The following RNF133 variants were observed in gnomAD, a reference collection of about 807,000 sequenced individuals.
RNF133 encodes the protein ring finger protein 133.
For missense variants in RNF133, 469 were observed against 450.5 expected, an observed-to-expected ratio of 1.04 and a Z score of -0.37; for synonymous variants, 153 against 152.1, an observed-to-expected ratio of 1.01 and a Z score of -0.04.
At position 122,698,431 on chromosome 7, in the gene RNF133, A is replaced by T. The variant is rs1456771791; in HGVS notation, c.488T>A (p.Ile163Asn). Residue 163 changes from isoleucine to asparagine, a missense_variant, in exon 1 of 1, where the codon ATT becomes AAT. Transcript: ENST00000340112. Reference protein sequence around the residue: ...VMIGNLKGTEIFHLIKKGVLI... With the variant: ...VMIGNLKGTENFHLIKKGVLI... The stretch of plus-strand genomic sequence containing the variant: ...AACTCCCTTCTTAATTAAATGGAAA[A>T]TTTCCGTGCCTTTTAAGTTACCAAT... 6.2e-7 allele frequency: 1 copy of T among 1,614,004 alleles called. No homozygotes were observed. The highest frequency in any genetic ancestry group is 8.5e-7 in the Non-Finnish European group (1 of 1,179,942).
Position 122,698,328 on chromosome 7 carries a change from G to A in RNF133, c.591C>T (p.Val197=). The A allele has an allele frequency of 6.2e-7, 1 of 1,613,990 alleles. No individual in the cohort carries two copies. The highest frequency in any genetic ancestry group is 1.1e-5 in the South Asian group (1 of 91,078). Residue 197 remains valine, a synonymous_variant, in exon 1 of 1, where the codon GTC becomes GTT. Transcript: ENST00000340112. The stretch of plus-strand genomic sequence containing the variant: ...TGAAATATGCTAAGGTAGCAGTTGT[G>A]ACAATCACAAAAGAGACCAAATAGT... ...MNHYLVSFVI[V]TTATLAYFIF... is the part of the protein sequence containing the mutation.
In RNF133 at chr7:122,697,828, T is replaced by G; in HGVS notation, c.1091A>C (p.Gln364Pro). 3 of 1,606,400 alleles carry G rather than the reference T, an allele frequency of 1.9e-6. No homozygotes were observed. The highest frequency in any genetic ancestry group is 2.5e-6 in the Non-Finnish European group (3 of 1,177,106). ...AACATCTTCCACTACTGAATGAGGCTGGATGTCATTATTCTGAGAAGTAGG... is the reference window on the plus strand; with the variant it reads ...AACATCTTCCACTACTGAATGAGGCGGGATGTCATTATTCTGAGAAGTAGG... ...ENPTSQNNDIQPHSVVEDVHP... is the reference protein window; with the variant it reads ...ENPTSQNNDIPPHSVVEDVHP... Residue 364 changes from glutamine (Q) to proline (P), a missense_variant, in exon 1 of 1, where the codon CAG becomes CCG. Gln to Pro is a moderately conservative substitution (Grantham distance 76, BLOSUM62 -1). Transcript: ENST00000340112.
rs1429789352 is a variant in RNF133, at chr7:122,698,664, T to G, written c.255A>C (p.Ala85=). ...IVPPEGKIQN[A]CNPNTIFSRS... ...GGCTGAAAATGGTATTGGGATTACA[T>G]GCATTTTGGATTTTTCCCTCTGGTG... Residue 85 remains alanine, a synonymous_variant, in exon 1 of 1, where the codon GCA becomes GCC. Transcript: ENST00000340112. 1.2e-6 allele frequency: 2 copies of G among 1,613,940 alleles called. No homozygotes were observed. Among genetic ancestry groups the G allele is most frequent in the African/African-American group, 1.3e-5 (1 of 74,930 alleles).
At position 122,698,473 on chromosome 7, in the gene RNF133, T is replaced by C; in HGVS notation, c.446A>G (p.Asp149Gly). Residue 149 changes from aspartate (D) to glycine (G), a missense_variant, in exon 1 of 1, where the codon GAT (aspartate) becomes GGT (glycine). By Grantham distance (94) the Asp-to-Gly change is moderately conservative. Transcript: ENST00000340112. Reference protein sequence around the residue: ...VFPMFHQAFEDVVVVMIGNLK... With the variant: ...VFPMFHQAFEGVVVVMIGNLK... ...GTTACCAATCATAACCACAACGACA[T>C]CTTCAAATGCCTGATGAAACATGGG... The C allele has an allele frequency of 6.2e-7, 1 of 1,613,844 alleles. No homozygotes were observed. Among genetic ancestry groups the C allele is most frequent in the East Asian group, 2.2e-5 (1 of 44,872 alleles).
In RNF133 at chr7:122,698,970, T is replaced by TAG; in HGVS notation, c.-53_-52insCT. ...ACCAACCTAACAGTTGCACATCTGT[T>TAG]GACAATTAATTTAAAATAACGAAGA... is the stretch of plus-strand genomic sequence containing the variant. On this transcript the variant is annotated 5_prime_UTR_variant, in exon 1 of 1. Transcript: ENST00000340112. The TAG allele has an allele frequency of 7.9e-7, 1 of 1,258,692 alleles. No individual in the cohort carries two copies. The highest frequency in any genetic ancestry group is 1.1e-6 in the Non-Finnish European group (1 of 911,002). The allele number at this position is 1,258,692 out of a possible 1,614,324, so 78.0% of individuals were successfully genotyped here.
In RNF133 at chr7:122,698,045, T is replaced by A. The variant is rs1007783582; in HGVS notation, c.874A>T (p.Thr292Ser). 1.9e-6 allele frequency: 3 copies of A among 1,613,794 alleles called. No individual in the cohort carries two copies. In the African/African-American group the frequency reaches 4.0e-5, roughly 22 times the overall value. The change falls in exon 1 of 1, where the codon ACA (threonine) becomes TCA (serine). Residue 292 changes from threonine to serine, a missense_variant. By Grantham distance (58) the Thr-to-Ser change is moderately conservative. Transcript: ENST00000340112. ...ATATCACATTTGCAAATGGGGCATG[T>A]CCCATGGGGTAAAATCCAGGGGTCA... ...CIDPWILPHG[T>S]CPICKCDILK...
Position 122,698,201 on chromosome 7 carries a change from G to A in RNF133, c.718C>T (p.Arg240Ter), listed in dbSNP as rs141697772. ...LQNTFGQLQL[R>*]VVKEGDEEIN... The stretch of plus-strand genomic sequence containing the variant: ...TCTTCATCCCCCTCTTTTACTACTC[G>A]AAGTTGGAGTTGTCCAAATGTGTTC... The change falls in exon 1 of 1, where the codon CGA (arginine) becomes TGA (stop). Residue 240 changes from arginine (R) to a stop codon, truncating the protein, a stop_gained. Coordinates refer to ENST00000340112, the MANE Select transcript of RNF133 (RefSeq NM_139175.2). LOFTEE classifies it low-confidence loss of function (END_TRUNC). The A allele has an allele frequency of 9.8e-4, 1,589 of 1,613,764 alleles. 12 individuals are homozygous for A. The African/African-American group carries it at 0.019, about 19-fold the overall frequency.
Position 122,698,268 on chromosome 7 carries a change from C to T in RNF133, c.651G>A (p.Arg217=), listed in dbSNP as rs868338306. 1 of 1,613,990 alleles carries T rather than the reference C, an allele frequency of 6.2e-7. No homozygotes were observed. Among genetic ancestry groups the T allele is most frequent in the Non-Finnish European group, 8.5e-7 (1 of 1,179,934 alleles). ...FYHIHRLCLA[R]IQNRRWQRLT... ...ATCGCTGCCATCTCCGGTTCTGAAT[C>T]CTTGCTAAACAAAGTCTATGAATGT... Residue 217 remains arginine, a synonymous_variant, in exon 1 of 1, where the codon AGG becomes AGA. Coordinates refer to ENST00000340112, the MANE Select transcript of RNF133 (RefSeq NM_139175.2).
In RNF133 at chr7:122,698,465, C is replaced by A. The variant is rs2085489120; in HGVS notation, c.454G>T (p.Val152Leu). Residue 152 changes from valine to leucine, a missense_variant, in exon 1 of 1, where the codon GTG becomes TTG. Physicochemically the swap from Val to Leu is conservative, Grantham distance 32. Coordinates refer to ENST00000340112, the MANE Select transcript of RNF133 (RefSeq NM_139175.2). Reference protein sequence around the residue: ...MFHQAFEDVVVVMIGNLKGTE... With the variant: ...MFHQAFEDVVLVMIGNLKGTE... ...CCTTTTAAGTTACCAATCATAACCA[C>A]AACGACATCTTCAAATGCCTGATGA... 1 of 1,613,784 alleles carries A rather than the reference C, an allele frequency of 6.2e-7. No individual in the cohort carries two copies. The highest frequency in any genetic ancestry group is 8.5e-7 in the Non-Finnish European group (1 of 1,179,872).
Position 122,697,912 on chromosome 7 carries a change from G to C in RNF133, c.1007C>G (p.Thr336Arg), listed in dbSNP as rs761588013. Residue 336 changes from threonine to arginine, a missense_variant, in exon 1 of 1, where the codon ACA (threonine) becomes AGA (arginine). Thr to Arg is a moderately conservative substitution (Grantham distance 71, BLOSUM62 -1). Transcript: ENST00000340112. ...TCCTGCAGGAGAAACTTCATTATTTGTCTCCTCTTCACTAGGTGATAAGGT... is the reference window on the plus strand; with the variant it reads ...TCCTGCAGGAGAAACTTCATTATTTCTCTCCTCTTCACTAGGTGATAAGGT... ...PETLSPSEEE[T>R]NNEVSPAGTS... 2 of 1,613,758 alleles carry C rather than the reference G, an allele frequency of 1.2e-6. No homozygotes were observed. Among genetic ancestry groups the C allele is most frequent in the Non-Finnish European group, 8.5e-7 (1 of 1,179,736 alleles).
chr7:122,698,967 T>TGTTAG lies in RNF133; in HGVS notation c.-50_-49insCTAAC. The TGTTAG allele has an allele frequency of 7.8e-7, 1 of 1,277,410 alleles. No homozygotes were observed. The highest frequency in any genetic ancestry group is 1.1e-6 in the Non-Finnish European group (1 of 927,586). The allele number at this position is 1,277,410 out of a possible 1,614,324, so 79.1% of individuals were successfully genotyped here. The stretch of plus-strand genomic sequence containing the variant: ...AGAACCAACCTAACAGTTGCACATC[T>TGTTAG]GTTGACAATTAATTTAAAATAACGA... On this transcript the variant is annotated 5_prime_UTR_variant, in exon 1 of 1. Transcript: ENST00000340112.
Position 122,697,998 on chromosome 7 carries a change from T to A in RNF133, c.921A>T (p.Gln307His). The change falls in exon 1 of 1, where the codon CAA (glutamine) becomes CAT (histidine). Residue 307 changes from glutamine (Q) to histidine (H), a missense_variant. Physicochemically the swap from Gln to His is conservative, Grantham distance 24. Coordinates refer to ENST00000340112, the MANE Select transcript of RNF133 (RefSeq NM_139175.2). ...KCDILKVLGI[Q>H]VVVENGTEPL... ...GTTCTGTTCCATTTTCAACAACCAC[T>A]TGAATCCCCAAAACTTTAAGAATAT... The A allele has an allele frequency of 6.2e-7, 1 of 1,613,566 alleles. No individual in the cohort carries two copies. The highest frequency in any genetic ancestry group is 2.2e-5 in the East Asian group (1 of 44,876).
chr7:122,698,054 G>A lies in RNF133; in HGVS notation c.865C>T (p.Pro289Ser), dbSNP rs2136189557. The change falls in exon 1 of 1, where the codon CCC becomes TCC. Residue 289 changes from proline (P) to serine (S), a missense_variant. By Grantham distance (74) the Pro-to-Ser change is moderately conservative (BLOSUM62 -1). Coordinates refer to ENST00000340112, the MANE Select transcript of RNF133 (RefSeq NM_139175.2). Reference sequence around the variant, plus strand: ...TTGCAAATGGGGCATGTCCCATGGGGTAAAATCCAGGGGTCAATGCAATTC... The same window carrying A: ...TTGCAAATGGGGCATGTCCCATGGGATAAAATCCAGGGGTCAATGCAATTC... ...HKNCIDPWIL[P>S]HGTCPICKCD... 1.9e-6 allele frequency: 3 copies of A among 1,613,976 alleles called. No individual in the cohort carries two copies. The highest frequency in any genetic ancestry group is 4.5e-5 in the East Asian group (2 of 44,872).
At position 122,698,378 on chromosome 7, in the gene RNF133, T is replaced by C. The variant is rs2085470924; in HGVS notation, c.541A>G (p.Arg181Gly). ...TGATTCATCCAGATGATGTGCTTTCTCCCCACCTCAACCACGGCTGTAATG... is the reference window on the plus strand; with the variant it reads ...TGATTCATCCAGATGATGTGCTTTCCCCCCACCTCAACCACGGCTGTAATG... ...VLITAVVEVG[R>G]KHIIWMNHYL... The change falls in exon 1 of 1, where the codon AGA (arginine) becomes GGA (glycine). Residue 181 changes from arginine (R) to glycine (G), a missense_variant. Transcript: ENST00000340112. 2 of 1,613,778 alleles carry C rather than the reference T, an allele frequency of 1.2e-6. No homozygotes were observed. The highest frequency in any genetic ancestry group is 1.3e-5 in the African/African-American group (1 of 74,916).
Position 122,698,588 on chromosome 7 carries a change from T to C in RNF133, c.331A>G (p.Thr111Ala). The C allele has an allele frequency of 6.2e-7, 1 of 1,614,044 alleles. No individual in the cohort carries two copies. The change falls in exon 1 of 1, where the codon ACC becomes GCC. Residue 111 changes from threonine to alanine, a missense_variant. By Grantham distance (58) the Thr-to-Ala change is moderately conservative. Transcript: ENST00000340112. ...WLALIERGGC[T>A]FTQKIKVATE... is the part of the protein sequence containing the mutation. ...GCCACTTTAATTTTCTGTGTGAAGG[T>C]ACAACCTCCCCGTTCAATAAGTGCA...
chr7:122,698,561 T>C lies in RNF133; in HGVS notation c.358A>G (p.Thr120Ala), dbSNP rs140861967. Residue 120 changes from threonine to alanine, a missense_variant, in exon 1 of 1, where the codon ACT (threonine) becomes GCT (alanine). Transcript: ENST00000340112. ...CTFTQKIKVA[T>A]EKGASGVIIY... is the part of the protein sequence containing the mutation. ...ATCACTCCACTGGCTCCCTTCTCAGTTGCCACTTTAATTTTCTGTGTGAAG... is the reference window on the plus strand; with the variant it reads ...ATCACTCCACTGGCTCCCTTCTCAGCTGCCACTTTAATTTTCTGTGTGAAG... The C allele has an allele frequency of 2.4e-5, 38 of 1,613,990 alleles. No homozygotes were observed. The highest frequency in any genetic ancestry group is 3.2e-5 in the Non-Finnish European group (38 of 1,179,974).
chr7:122,698,530 T>G lies in RNF133; in HGVS notation c.389A>C (p.Tyr130Ser). 2 of 1,614,052 alleles carry G rather than the reference T, an allele frequency of 1.2e-6. No homozygotes were observed. The highest frequency in any genetic ancestry group is 1.1e-5 in the South Asian group (1 of 91,078). ...CTGGTTGCCAGTACCTGGAACGTTA[T>G]AGATGATCACTCCACTGGCTCCCTT... is the stretch of plus-strand genomic sequence containing the variant. Reference protein sequence around the residue: ...TEKGASGVIIYNVPGTGNQVF... With the variant: ...TEKGASGVIISNVPGTGNQVF... Residue 130 changes from tyrosine to serine, a missense_variant, in exon 1 of 1, where the codon TAT becomes TCT. Tyr to Ser is a moderately radical substitution (Grantham distance 144, BLOSUM62 -2). Coordinates refer to ENST00000340112, the MANE Select transcript of RNF133 (RefSeq NM_139175.2).
rs774079776 is a variant in RNF133, at chr7:122,698,815, C to T, written c.104G>A (p.Ser35Asn). 3 of 1,613,748 alleles carry T rather than the reference C, an allele frequency of 1.9e-6. No homozygotes were observed. Among genetic ancestry groups the T allele is most frequent in the Non-Finnish European group, 1.7e-6 (2 of 1,179,802 alleles). ...GTTCATATAAGCCATCCAAACAACA[C>T]TTGCTCTGCAACAGTTCTGACTAAC... The part of the protein sequence containing the change: ...WLVSQNCCRA[S>N]VVWMAYMNIS... Residue 35 changes from serine to asparagine, a missense_variant, in exon 1 of 1, where the codon AGT (serine) becomes AAT (asparagine). Ser to Asn is a conservative substitution (Grantham distance 46). Coordinates refer to ENST00000340112, the MANE Select transcript of RNF133 (RefSeq NM_139175.2).
In RNF133 at chr7:122,697,814, C is replaced by T; in HGVS notation, c.1105G>A (p.Val369Met). The change falls in exon 1 of 1, where the codon GTG (valine) becomes ATG (methionine). Residue 369 changes from valine (V) to methionine (M), a missense_variant. Coordinates refer to ENST00000340112, the MANE Select transcript of RNF133 (RefSeq NM_139175.2). ...QNNDIQPHSV[V>M]EDVHPSP The stretch of plus-strand genomic sequence containing the variant: ...CAAGGTGAAGGATGAACATCTTCCA[C>T]TACTGAATGAGGCTGGATGTCATTA... 4 of 1,593,016 alleles carry T rather than the reference C, an allele frequency of 2.5e-6. No homozygotes were observed. Among genetic ancestry groups the T allele is most frequent in the Non-Finnish European group, 3.4e-6 (4 of 1,172,460 alleles).
Sources: gnomAD v4.1 joint callset for allele counts on GRCh38, gnomAD v4.1.1 for gene constraint, MANE v1.5 for transcripts, NCBI Gene and HGNC (gene_info 2026-07-23, HGNC 2026-07-21) for gene names.